The following NDUFS2 variants were observed in gnomAD, a reference collection of about 807,000 sequenced individuals.
The protein encoded by NDUFS2 is NADH dehydrogenase [ubiquinone] iron-sulfur protein 2, mitochondrial.
Under a neutral mutation model 69.6 loss-of-function variants are expected in NDUFS2, and 38 were observed. The ratio of observed to expected loss-of-function variants is 0.55; its 90% CI spans 0.42 to 0.72. The LOEUF (loss-of-function observed/expected upper bound fraction) is 0.72, where lower values mean the gene tolerates loss of function less well. NDUFS2 is among the 30% of genes least tolerant of loss of function. The pLI, the probability that NDUFS2 is intolerant of heterozygous loss-of-function variation, is 0.00. For synonymous variants in NDUFS2, 194 were observed against 211.2 expected (o/e 0.92, Z 0.70); for missense variants, 468 against 595.0 (o/e 0.79, Z 2.22).
At chr1:161,210,007 A>G in intron 6 of NDUFS2, 76 bp downstream of exon 6, 1 of 1,601,058 alleles carries the variant, frequency 6.2e-7, no homozygotes, top group Non-Finnish European at 8.6e-7. Context: ...GCAGTGCTGG[A>G]TGATGGAAAC....
At chr1:161,213,598 G>A (rs1176176115) in intron 11 of NDUFS2, 51 bp from the exon 12 acceptor site, 1 of 1,596,066 alleles carries the variant, frequency 6.3e-7, no homozygotes, top group East Asian at 2.2e-5. Context: ...TGTTGGCAGA[G>A]AAAAATACTC....
rs1571602626 is a variant in NDUFS2, at chr1:161,203,520, A to G, written c.179A>G (p.His60Arg). The G allele has an allele frequency of 6.2e-7, 1 of 1,613,830 alleles. No homozygotes were observed. Among genetic ancestry groups the G allele is most frequent in the Non-Finnish European group, 8.5e-7 (1 of 1,179,968 alleles). Residue 60 changes from histidine to arginine, a missense_variant, in exon 2 of 14, where the codon CAC becomes CGC. Physicochemically the swap from His to Arg is conservative, Grantham distance 29 (BLOSUM62 0). This residue lies in a region of NDUFS2 where 339 missense variants were observed against 433.8 expected (regional missense o/e 0.78). Transcript: ENST00000676972. ...AVMYPSKETA[H>R]WKPPPWNDVD... Reference sequence around the variant, plus strand: ...ATGTACCCAAGCAAAGAAACAGCCCACTGGAAGCCTCCACCTTGGAATGGT... The same window carrying G: ...ATGTACCCAAGCAAAGAAACAGCCCGCTGGAAGCCTCCACCTTGGAATGGT...
Position 161,203,497 on chromosome 1 carries a change from G to C in NDUFS2, c.156G>C (p.Met52Ile). 6.2e-7 allele frequency: 1 copy of C among 1,614,072 alleles called. No individual in the cohort carries two copies. Among genetic ancestry groups the C allele is most frequent in the Non-Finnish European group, 8.5e-7 (1 of 1,180,010 alleles). Residue 52 changes from methionine (M) to isoleucine (I), a missense_variant, in exon 2 of 14, where the codon ATG (methionine) becomes ATC (isoleucine). Met to Ile is a conservative substitution (Grantham distance 10). This residue lies in a region of NDUFS2 where 339 missense variants were observed against 433.8 expected (regional missense o/e 0.78). Coordinates refer to ENST00000676972, the MANE Select transcript of NDUFS2 (RefSeq NM_001377299.1). ...CACAGCAGTTTGGGGGAGCTGTTAT[G>C]TACCCAAGCAAAGAAACAGCCCACT... Reference protein sequence around the residue: ...EWAQQFGGAVMYPSKETAHWK... With the variant: ...EWAQQFGGAVIYPSKETAHWK...
At chr1:161,211,354 G>T (rs1379732359) in intron 9 of NDUFS2, among the ~76,000 whole-genome samples, 1 of 152,168 alleles carries the variant, frequency 6.6e-6, no homozygotes, top group African/African-American at 2.4e-5. Flanking sequence ...CTAAGCTTCA[G>T]ATTCTCCTCC....
chr1:161,213,225 C>G, intron 10 of NDUFS2, 155 bp from the exon 11 acceptor site: 1 of 667,172 alleles, frequency 1.5e-6, no homozygotes, highest in Non-Finnish European at 2.7e-6. Context: ...CTTAATCTCC[C>G]ATAGCTCTCC....
upstream of NDUFS2, chr1:161,197,526 G>A (rs1047277208): frequency 1.8e-5 from 3 of 163,144 alleles, no homozygotes; most frequent in African/African-American, 7.2e-5. Flanking sequence ...TCCTGCCCTA[G>A]TTTGCAGTTT....
intron 8 of NDUFS2, 97 bp from the exon 9 acceptor site, chr1:161,210,494 C>A: frequency 6.2e-7 from 1 of 1,606,382 alleles, no homozygotes; most frequent in Non-Finnish European, 8.5e-7. Flanking sequence ...CTAGTCATAC[C>A]CTGAATGTGA....
In NDUFS2 at chr1:161,203,733, A is replaced by G. The variant is rs1348864759; in HGVS notation, c.202+190A>G. 1.7e-5 allele frequency: 11 copies of G among 636,280 alleles called. No homozygotes were observed. In the East Asian group the frequency reaches 3.1e-4, roughly 18 times the overall value. 39.4% of individuals were successfully genotyped at this position (636,280 alleles called of 1,614,324 possible). On this transcript the variant is annotated intron_variant, in intron 2 of 13. Coordinates refer to ENST00000676972, the MANE Select transcript of NDUFS2 (RefSeq NM_001377299.1). ...GTCTCAGCCTCCCCAGAAAGCCGCA[A>G]CAACAGGCCTGTGCCACCACAACTG...
chr1:161,212,248 G>T, intron 9 of NDUFS2, 103 bp from the exon 10 acceptor site: 1 of 1,420,594 alleles, frequency 7.0e-7, no homozygotes, highest in Non-Finnish European at 9.9e-7. Flanking sequence ...AAAGAGTGGG[G>T]AGAGTTGACC....
upstream of NDUFS2, chr1:161,197,446 G>A (rs541563067): frequency 1.3e-4 from 20 of 158,634 alleles, no homozygotes; most frequent in African/African-American, 2.2e-4. Flanking sequence ...AGGCAGCCTC[G>A]CAGTCCGGCC....
chr1:161,198,005 C>T (rs755998492), upstream of NDUFS2: 18 of 1,559,734 alleles, frequency 1.2e-5, no homozygotes, highest in East Asian at 6.8e-5. This position sits in a 1 kb window ranked among gnomAD's most constrained non-coding sequence, Gnocchi z 4.7. Context: ...CTTGGCTCTT[C>T]GGGGTCTGGG....
chr1:161,210,982 C>G (rs1035931898), intron 9 of NDUFS2, among the ~76,000 whole-genome samples: 3 of 152,218 alleles, frequency 2.0e-5, no homozygotes, highest in African/African-American at 7.2e-5. Flanking sequence ...TCAAGTGATT[C>G]TCCTGCCTCA....
At chr1:161,202,936 A>C (rs1030123429) in intron 1 of NDUFS2, among the ~76,000 whole-genome samples, 1 of 152,174 alleles carries the variant, frequency 6.6e-6, no homozygotes, top group African/African-American at 2.4e-5. Flanking sequence ...ATTTGTTAGT[A>C]GGAATGGAAC....
upstream of NDUFS2, among the ~76,000 whole-genome samples, chr1:161,200,111 A>G (rs973369288): frequency 1.3e-5 from 2 of 152,070 alleles, no homozygotes; most frequent in Non-Finnish European, 2.9e-5. Flanking sequence ...CCTTGCTCTG[A>G]GAACCCAGTG....
rs1402258661 is a variant in NDUFS2, at chr1:161,212,404, G to T, written c.1040G>T (p.Cys347Phe). The T allele has an allele frequency of 6.2e-7, 1 of 1,613,930 alleles. No individual in the cohort carries two copies. Among genetic ancestry groups the T allele is most frequent in the Non-Finnish European group, 8.5e-7 (1 of 1,179,916 alleles). Reference protein sequence around the residue: ...MRQSLRIIAQCLNKMPPGEIK... With the variant: ...MRQSLRIIAQFLNKMPPGEIK... ...CAGTCCCTGAGAATTATCGCACAGT[G>T]TCTAAACAAGATGCCTCCTGGGGAG... The change falls in exon 10 of 14, where the codon TGT becomes TTT. Residue 347 changes from cysteine to phenylalanine, a missense_variant. Cys to Phe is a radical substitution (Grantham distance 205). Coordinates refer to ENST00000676972, the MANE Select transcript of NDUFS2 (RefSeq NM_001377299.1).
At position 161,213,636 on chromosome 1, in the gene NDUFS2, C is replaced by T; in HGVS notation, c.1213-13C>T. On this transcript the variant is annotated splice_polypyrimidine_tract_variant and intron_variant, in intron 11 of 13. Transcript: ENST00000676972. ...CATGTTAATACAGACACCCAACCTT[C>T]TTCCTTGAACAGGGAGAGTTTGGGG... The T allele has an allele frequency of 6.2e-7, 1 of 1,613,970 alleles. No individual in the cohort carries two copies. Among genetic ancestry groups the T allele is most frequent in the Non-Finnish European group, 8.5e-7 (1 of 1,179,804 alleles).
chr1:161,197,922 G>C (rs1177690941), upstream of NDUFS2: 67 of 1,506,840 alleles, frequency 4.4e-5, no homozygotes, highest in Non-Finnish European at 5.5e-5. Flanking sequence ...TGGGTGGAGA[G>C]AGGGTGAATA....
intron 3 of NDUFS2, among the ~76,000 whole-genome samples, chr1:161,207,724 G>C (rs984343030): frequency 6.9e-6 from 1 of 144,542 alleles, no homozygotes; most frequent in African/African-American, 2.6e-5. Flanking sequence ...GCAAGACTGT[G>C]TCTCAAAAAA....
intron 3 of NDUFS2, among the ~76,000 whole-genome samples, chr1:161,206,807 T>C (rs181343240): frequency 1.3e-5 from 2 of 152,334 alleles, no homozygotes; most frequent in Admixed American, 1.3e-4. Flanking sequence ...GCTTTGAAGC[T>C]GGAGCTATAC....
Sources: allele counts gnomAD v4.1 joint callset (sites outside exome capture counted in the v4.1 genomes callset), GRCh38; gene constraint gnomAD v4.1.1; regional missense constraint gnomAD v4.1.1; non-coding constraint Gnocchi (gnomAD v3.1); transcripts MANE v1.5; gene names NCBI Gene and HGNC (gene_info 2026-07-23, HGNC 2026-07-21).